Variants in CCDC178 observed in about 807,000 individuals in gnomAD.
The protein encoded by CCDC178 is coiled-coil domain-containing protein 178.
Under a neutral mutation model 117.4 loss-of-function variants are expected in CCDC178, and 126 were observed. The ratio of observed to expected loss-of-function variants is 1.07; its 90% CI spans 0.93 to 1.24. The LOEUF is 1.24. Ranked by LOEUF, CCDC178 falls within the 50% of genes most tolerant of loss-of-function variation. The probability of loss-of-function intolerance (pLI) is 0.00; values close to 1 mark genes in which losing one functional copy is unlikely to be tolerated. For missense variants in CCDC178, 1,030 were observed against 986.9 expected (o/e 1.04, Z -0.59); for synonymous variants, 283 against 313.4 (o/e 0.90, Z 1.02).
intron 21 of CCDC178, among the ~76,000 whole-genome samples, chr18:32,991,267 G>C (rs548146207): frequency 2.0e-5 from 3 of 151,934 alleles, no homozygotes; most frequent in African/African-American, 7.3e-5. Context: ...AATGTTTGCC[G>C]GGCAAATTAA....
intron 2 of CCDC178, chr18:33,437,664 A>G (rs371139010): frequency 6.6e-5 from 10 of 152,328 alleles, no homozygotes; most frequent in African/African-American, 2.4e-4. Flanking sequence ...AATGCCAAAG[A>G]ACATAGCTTT....
intron 20 of CCDC178, among the ~76,000 whole-genome samples, chr18:33,124,565 T>G (rs762338651): frequency 6.6e-6 from 1 of 152,214 alleles, no homozygotes; most frequent in Non-Finnish European, 1.5e-5. Flanking sequence ...AACTTTAGTT[T>G]AATTACTTTC....
At chr18:33,279,744 C>A in intron 12 of CCDC178, among the ~76,000 whole-genome samples, 1 of 152,156 alleles carries the variant, frequency 6.6e-6, no homozygotes, top group South Asian at 2.1e-4. Context: ...GTACTGGTAC[C>A]AAAACAGAGA....
intron 3 of CCDC178, among the ~76,000 whole-genome samples, chr18:33,409,208 C>T (rs1258135967): frequency 2.0e-5 from 3 of 152,098 alleles, no homozygotes; most frequent in Non-Finnish European, 1.5e-5. Context: ...CTCACAGCTT[C>T]CCAGTAGCTG....
Position 33,346,035 on chromosome 18 carries a change from T to C in CCDC178, c.658+176A>G, listed in dbSNP as rs79562914. Among the ~76,000 whole-genome samples, 6 of 152,152 alleles carry C rather than the reference T, an allele frequency of 3.9e-5. No individual in the cohort carries two copies. The East Asian group carries it at 1.2e-3, about 29-fold the overall frequency. ...TAGAGACAGGTTTTCACCACGTTTC[T>C]TAGGCTGGTCTCGAACTCCTGGGCT... On this transcript the variant is annotated intron_variant, in intron 9 of 22. Coordinates refer to ENST00000383096, the MANE Select transcript of CCDC178 (RefSeq NM_001105528.4).
At chr18:33,264,325 A>G (rs956137110) in intron 14 of CCDC178, among the ~76,000 whole-genome samples, 2 of 151,952 alleles carry the variant, frequency 1.3e-5, no homozygotes, top group African/African-American at 4.8e-5. Flanking sequence ...TGATATATGA[A>G]TTGGTAATTA....
intron 20 of CCDC178, among the ~76,000 whole-genome samples, chr18:33,129,396 A>G (rs2058045633): frequency 6.6e-6 from 1 of 152,112 alleles, no homozygotes; most frequent in Non-Finnish European, 1.5e-5. Context: ...TTCTGGCTAA[A>G]AAGAACTCTG....
At chr18:32,981,226 TGTTA>T (rs940559076) in intron 21 of CCDC178, among the ~76,000 whole-genome samples, 1 of 152,156 alleles carries the variant, frequency 6.6e-6, no homozygotes, top group African/African-American at 2.4e-5. Context: ...GTGGTATGTA[TGTTA>T]GAGAAACAAA....
intron 2 of CCDC178, among the ~76,000 whole-genome samples, chr18:33,424,453 T>C (rs1398537845): frequency 6.6e-6 from 1 of 152,166 alleles, no homozygotes; most frequent in Non-Finnish European, 1.5e-5. Flanking sequence ...CTCAGCTGGA[T>C]TGGTGTACAG....
chr18:33,114,651 T>C (rs983918110), intron 20 of CCDC178, among the ~76,000 whole-genome samples: 7 of 152,126 alleles, frequency 4.6e-5, no homozygotes, highest in Non-Finnish European at 1.0e-4. Context: ...TCACAAACTT[T>C]GGCAATATGT....
intron 20 of CCDC178, among the ~76,000 whole-genome samples, chr18:33,163,061 C>T (rs544245159): frequency 1.3e-5 from 2 of 152,174 alleles, no homozygotes; most frequent in South Asian, 4.2e-4. Flanking sequence ...GGTGTATAAA[C>T]GTTCCCTTTT....
chr18:33,018,579 GCTCAATGA>G (rs1401948436), intron 21 of CCDC178, among the ~76,000 whole-genome samples: 11 of 152,082 alleles, frequency 7.2e-5, no homozygotes, highest in Non-Finnish European at 1.6e-4. Flanking sequence ...ACTGGTACAA[GCTCAATGA>G]ACCTTTAAAG....
chr18:32,968,942 T>A (rs1385026021), intron 22 of CCDC178, among the ~76,000 whole-genome samples: 3 of 152,032 alleles, frequency 2.0e-5, no homozygotes, highest in Non-Finnish European at 2.9e-5. Context: ...TCCCTATATC[T>A]AGTTGTTTGT....
chr18:33,086,685 T>C (rs2057383585), intron 21 of CCDC178, among the ~76,000 whole-genome samples: 1 of 152,106 alleles, frequency 6.6e-6, no homozygotes. Flanking sequence ...CAGTGTGTCA[T>C]GTTATATATA....
chr18:33,113,189 T>C (rs1384692640), intron 20 of CCDC178, among the ~76,000 whole-genome samples: 1 of 152,076 alleles, frequency 6.6e-6, no homozygotes, highest in Non-Finnish European at 1.5e-5. Flanking sequence ...TTTAGTTTTC[T>C]TGAATAGTAA....
In CCDC178 at chr18:33,359,468, A is replaced by T. The variant is rs576285192; in HGVS notation, c.349-3122T>A. Among the ~76,000 whole-genome samples, 3 of 151,790 alleles carry T rather than the reference A, an allele frequency of 2.0e-5. No individual in the cohort carries two copies. In the East Asian group the frequency reaches 5.8e-4, roughly 29 times the overall value. On this transcript the variant is annotated intron_variant, in intron 6 of 22. Coordinates refer to ENST00000383096, the MANE Select transcript of CCDC178 (RefSeq NM_001105528.4). ...CATTTAAATACTATTTATTCAGGAT[A>T]TTGAAGTGGTTAACACAGAGAAGGC... is the stretch of plus-strand genomic sequence containing the variant.
chr18:33,221,747 G>GTA (rs2059237439), intron 18 of CCDC178, among the ~76,000 whole-genome samples: 1 of 151,986 alleles, frequency 6.6e-6, no homozygotes, highest in African/African-American at 2.4e-5. Flanking sequence ...GCAAAACAGA[G>GTA]TATCATTTTA....
chr18:33,019,669 G>A (rs911736242), intron 21 of CCDC178, among the ~76,000 whole-genome samples: 1 of 152,016 alleles, frequency 6.6e-6, no homozygotes, highest in African/African-American at 2.4e-5. Context: ...AAACTCTATG[G>A]AGTGTTACTT....
At chr18:33,370,213 A>G in intron 5 of CCDC178, 24 bp from the exon 6 acceptor site, 1 of 1,541,242 alleles carries the variant, frequency 6.5e-7, no homozygotes, top group East Asian at 2.4e-5. Context: ...ATAGAAGTTC[A>G]TTACTCATTC....
Sources: gnomAD v4.1 joint callset for allele counts (sites outside exome capture counted in the v4.1 genomes callset) on GRCh38, gnomAD v4.1.1 for gene constraint, MANE v1.5 for transcripts, NCBI Gene and HGNC (gene_info 2026-07-23, HGNC 2026-07-21) for gene names.